The following CEACAM21 variants were observed in gnomAD, a reference collection of about 807,000 sequenced individuals.
CEACAM21 encodes CEA cell adhesion molecule 21.
A neutral mutation model predicts 33.2 loss-of-function variants in CEACAM21; 38 were observed. The observed-to-expected ratio is 1.14, with a 90% CI of 0.88 to 1.50. The LOEUF is 1.50. Ranked by LOEUF, CEACAM21 falls within the 40% of genes most tolerant of loss-of-function variation. The pLI, the probability that CEACAM21 is intolerant of heterozygous loss-of-function variation, is 0.00. For missense variants in CEACAM21, 385 were observed against 364.6 expected, an observed-to-expected ratio of 1.06 and a Z score of -0.46; for synonymous variants, 156 against 143.0, an observed-to-expected ratio of 1.09 and a Z score of -0.65.
At chr19:41,576,151 G>T (rs2042925501), upstream of CEACAM21, 9 of 1,170,106 alleles carry the variant, frequency 7.7e-6, no homozygotes, top group Non-Finnish European at 1.1e-5. Context: ...GCTCCTGCCT[G>T]AGAGGAAGCT....
chr19:41,566,334 A>G (rs1555788344), intron 2 of CEACAM21, among the ~76,000 whole-genome samples: 1 of 152,218 alleles, frequency 6.6e-6, no homozygotes, highest in Non-Finnish European at 1.5e-5. Context: ...AGGAAAGGCA[A>G]TTTTTAAAAA....
intron 4 of CEACAM21, among the ~76,000 whole-genome samples, chr19:41,585,144 C>T (rs528840927): frequency 1.2e-4 from 18 of 152,284 alleles, no homozygotes; most frequent in African/African-American, 4.1e-4. Context: ...TCCTCTCAGG[C>T]AACCCCTGGT....
chr19:41,564,332 T>TTATTTATG lies in CEACAM21; in HGVS notation c.-778-343_-778-342insGTATTTAT, dbSNP rs2042108475. Among the ~76,000 whole-genome samples the TTATTTATG allele has an allele frequency of 1.2e-4, 5 of 42,172 alleles. No homozygotes were observed. In the African/African-American group the frequency reaches 3.6e-3, roughly 30 times the overall value. The allele number at this position is 42,172 out of a possible 152,430, so 27.7% of individuals were successfully genotyped here. On this transcript the variant is annotated intron_variant, in intron 1 of 7. Transcript: ENST00000407170. ...TAAAGACCAAGGAGTGAGTTATTTA[T>TTATTTATG]TATTTATTTATTTATTTATTTATTT...
At chr19:41,575,795 C>T (rs1555790798), upstream of CEACAM21, among the ~76,000 whole-genome samples, 3 of 152,188 alleles carry the variant, frequency 2.0e-5, no homozygotes, top group African/African-American at 7.2e-5. Flanking sequence ...CCTTTCTAGC[C>T]CCCAGAGCCA....
At chr19:41,581,280 T>C (rs1430407789) in intron 3 of CEACAM21, among the ~76,000 whole-genome samples, 1 of 152,266 alleles carries the variant, frequency 6.6e-6, no homozygotes, top group Non-Finnish European at 1.5e-5. Context: ...CCTGTTGCAG[T>C]TAACTAGCCC....
At chr19:41,573,503 T>G (rs1469667191), upstream of CEACAM21, among the ~76,000 whole-genome samples, 1 of 152,164 alleles carries the variant, frequency 6.6e-6, no homozygotes, top group Middle Eastern at 3.2e-3. Flanking sequence ...TCCAGCTGAC[T>G]GGTCACCCAA....
exon 2 of CEACAM21, chr19:41,564,796 T>G (rs1555787893): frequency 6.6e-6 from 1 of 152,232 alleles, no homozygotes; most frequent in East Asian, 1.9e-4. Context: ...TTGGGCTCCC[T>G]TGAGAGAGTC....
In CEACAM21 at chr19:41,557,280, G is replaced by A. The variant is rs376159383; in HGVS notation, c.-778-7402G>A. Among the ~76,000 whole-genome samples, 142 of 152,238 alleles carry A rather than the reference G, an allele frequency of 9.3e-4. 1 individual carries two copies. The highest frequency in any genetic ancestry group is 3.2e-3 in the African/African-American group (133 of 41,546). On this transcript the variant is annotated intron_variant, in intron 1 of 7. Coordinates refer to the CEACAM21 transcript ENST00000407170. ...GGTGTCTCCAGTAAGACAAATCTGT[G>A]GGTCCTCCAGTCACAGACCCGTTAC...
chr19:41,552,886 G>T (rs1468010874), intron 1 of CEACAM21, among the ~76,000 whole-genome samples: 1 of 152,090 alleles, frequency 6.6e-6, no homozygotes, highest in African/African-American at 2.4e-5. Flanking sequence ...AGTTCACAGG[G>T]CTTTAAGAAA....
intron 2 of CEACAM21, among the ~76,000 whole-genome samples, chr19:41,567,265 A>G (rs8110782): frequency 0.027 from 4,129 of 152,352 alleles, 87 homozygotes; most frequent in Middle Eastern, 0.065. Flanking sequence ...CTTGCTGGAC[A>G]TAGGACATTA....
chr19:41,567,329 C>T (rs1035573458), intron 2 of CEACAM21, among the ~76,000 whole-genome samples: 8 of 152,104 alleles, frequency 5.3e-5, no homozygotes, highest in East Asian at 3.8e-4. Context: ...TAAGGTAGTT[C>T]GATAGCAGTC....
intron 1 of CEACAM21, among the ~76,000 whole-genome samples, chr19:41,560,078 C>CA (rs782665828): frequency 3.9e-5 from 6 of 152,122 alleles, no homozygotes; most frequent in African/African-American, 7.2e-5. Flanking sequence ...TTCATCCTTC[C>CA]AATACAGGTA....
At chr19:41,576,855 G>GTTC (rs2042984380) in intron 1 of CEACAM21, among the ~76,000 whole-genome samples, 1 of 152,158 alleles carries the variant, frequency 6.6e-6, no homozygotes, top group African/African-American at 2.4e-5. Flanking sequence ...GCTGACAAGA[G>GTTC]CCCTGGAGGG....
chr19:41,582,284 G>A (rs2043456599), intron 3 of CEACAM21, among the ~76,000 whole-genome samples: 1 of 152,228 alleles, frequency 6.6e-6, no homozygotes, highest in African/African-American at 2.4e-5. Context: ...TGGCTTTGCA[G>A]GGTACAGCCC....
intron 2 of CEACAM21, among the ~76,000 whole-genome samples, chr19:41,565,347 G>A (rs189995375): frequency 1.8e-3 from 280 of 152,298 alleles, no homozygotes; most frequent in African/African-American, 6.5e-3. Flanking sequence ...AGGGGCGGGG[G>A]CGGGTGCCTC....
At chr19:41,558,545 G>T (rs2041679048) in intron 1 of CEACAM21, among the ~76,000 whole-genome samples, 1 of 152,242 alleles carries the variant, frequency 6.6e-6, no homozygotes, top group Non-Finnish European at 1.5e-5. Context: ...TACTCTGGAG[G>T]CTGAGGCAGG....
intron 1 of CEACAM21, among the ~76,000 whole-genome samples, chr19:41,558,072 T>C (rs1201343210): frequency 6.6e-6 from 1 of 152,198 alleles, no homozygotes; most frequent in Non-Finnish European, 1.5e-5. Flanking sequence ...TAAACAACTC[T>C]ACAGAAAATG....
chr19:41,554,836 T>C (rs1345951190), intron 1 of CEACAM21: 1 of 152,106 alleles, frequency 6.6e-6, no homozygotes, highest in East Asian at 1.9e-4. Context: ...CTTTAGTCAA[T>C]ATGTTTACAC....
intron 1 of CEACAM21, among the ~76,000 whole-genome samples, chr19:41,549,847 C>T (rs530649401): frequency 2.9e-4 from 44 of 152,164 alleles, no homozygotes; most frequent in African/African-American, 9.4e-4. Context: ...CATTTGCCAC[C>T]GTGCCCAATT....
Sources: allele counts gnomAD v4.1 joint callset (sites outside exome capture counted in the v4.1 genomes callset), GRCh38; gene constraint gnomAD v4.1.1; transcripts MANE v1.5; gene names NCBI Gene and HGNC (gene_info 2026-07-23, HGNC 2026-07-21).